Variants in ESR1 observed in about 807,000 individuals in gnomAD.
The protein encoded by ESR1 is estrogen receptor 1, also known as estrogen receptor.
Under a neutral mutation model 52.7 loss-of-function variants are expected in ESR1, and 12 were observed. That is an observed-to-expected ratio of 0.23 (90% confidence interval 0.15 to 0.37). ESR1 has a LOEUF of 0.37. Ranked by LOEUF, ESR1 falls within the 10% of genes least tolerant of loss-of-function variation. ESR1 has a pLI of 1.00. For synonymous variants in ESR1, 305 were observed against 316.8 expected (o/e 0.96, Z 0.39); for missense variants, 584 against 779.7 (o/e 0.75, Z 2.99).
chr6:151,960,978 G>A (rs2037587734), intron 4 of ESR1, among the ~76,000 whole-genome samples: 1 of 152,204 alleles, frequency 6.6e-6, no homozygotes. Flanking sequence ...CCTGAACAAT[G>A]ATAAAAGTTG....
At chr6:151,956,843 AATATATATATATATATATAAATATAT>A (rs1218426477) in intron 4 of ESR1, among the ~76,000 whole-genome samples, 2 of 44,466 alleles carry the variant, frequency 4.5e-5, no homozygotes, top group Non-Finnish European at 1.1e-4. Context: ...AATATAAATA[AATATATATATATATATATAAATATAT>A]ATATATATAT....
chr6:151,699,118 G>A (rs975046004), intron 1 of ESR1, among the ~76,000 whole-genome samples: 7 of 152,044 alleles, frequency 4.6e-5, no homozygotes, highest in African/African-American at 1.7e-4. Flanking sequence ...GGCTCTGCAG[G>A]GTCCTTTCTT....
chr6:151,922,658 C>T (rs1286622315), intron 3 of ESR1, among the ~76,000 whole-genome samples: 1 of 151,978 alleles, frequency 6.6e-6, no homozygotes, highest in African/African-American at 2.4e-5. Context: ...GACTTATCTT[C>T]TGTATTTTTT....
chr6:151,733,700 A>G (rs1782428995), intron 2 of ESR1, among the ~76,000 whole-genome samples: 1 of 152,198 alleles, frequency 6.6e-6, no homozygotes, highest in African/African-American at 2.4e-5. Flanking sequence ...TAACCACTCT[A>G]TACCATATGC....
chr6:151,808,069 A>G lies in ESR1; in HGVS notation c.157A>G (p.Asn53Asp), dbSNP rs763035310. ...GGACAGCAGCAAGCCCGCCGTGTAC[A>G]ACTACCCCGAGGGCGCCGCCTACGA... ...YLDSSKPAVY[N>D]YPEGAAYEFN... Residue 53 changes from asparagine (N) to aspartate (D), a missense_variant, in exon 1 of 8, where the codon AAC (asparagine) becomes GAC (aspartate). Physicochemically the swap from Asn to Asp is conservative, Grantham distance 23. Coordinates refer to ENST00000206249, the MANE Select transcript of ESR1 (RefSeq NM_000125.4). 23 of 1,613,232 alleles carry G rather than the reference A, an allele frequency of 1.4e-5. No individual in the cohort carries two copies. The South Asian group carries it at 2.3e-4, about 16-fold the overall frequency.
At chr6:151,756,630 G>A (rs910918679) in intron 2 of ESR1, among the ~76,000 whole-genome samples, 6 of 152,198 alleles carry the variant, frequency 3.9e-5, no homozygotes, top group African/African-American at 9.7e-5. Flanking sequence ...TAACCGTACT[G>A]GCCGGTAGGT....
rs1387482062 is a variant in ESR1 at position 152,070,242 on chromosome 6, C to T, written c.1369+9118C>T. Reference sequence around the variant, plus strand: ...CCTACCAAAATTTTGAAGTCAAGACCTCCCTACACTAATCAAAGAACTAGA... The same window carrying T: ...CCTACCAAAATTTTGAAGTCAAGACTTCCCTACACTAATCAAAGAACTAGA... On this transcript the variant is annotated intron_variant, in intron 6 of 7. Transcript: ENST00000206249. Among the ~76,000 whole-genome samples the T allele has an allele frequency of 1.5e-5, 2 of 136,604 alleles. 1 individual carries two copies. The highest frequency in any genetic ancestry group is 3.0e-5 in the Non-Finnish European group (2 of 66,564). 89.6% of individuals were successfully genotyped at this position (136,604 alleles called of 152,430 possible).
chr6:151,850,383 CAGAGAG>C (rs764460961), intron 2 of ESR1, among the ~76,000 whole-genome samples: 1 of 134,196 alleles, frequency 7.5e-6, no homozygotes, highest in Admixed American at 7.8e-5. Flanking sequence ...CATATGATAA[CAGAGAG>C]AGAGAGAGAG....
At chr6:151,694,916 G>A (rs1435215560) in intron 1 of ESR1, among the ~76,000 whole-genome samples, 1 of 152,166 alleles carries the variant, frequency 6.6e-6, no homozygotes, top group African/African-American at 2.4e-5. Context: ...TAGATATGAG[G>A]GGCAGATTGG....
chr6:152,003,340 AT>A (rs2042097561), intron 4 of ESR1, among the ~76,000 whole-genome samples: 3 of 145,536 alleles, frequency 2.1e-5, no homozygotes, highest in African/African-American at 7.6e-5. Context: ...AAGGGTAATT[AT>A]GTGTGTGTGT....
Position 152,100,883 on chromosome 6 carries a change from G to A in ESR1, c.*1917G>A, listed in dbSNP as rs2050942340. On this transcript the variant is annotated 3_prime_UTR_variant, in exon 8 of 8. Transcript: ENST00000206249. ...TCTTTTGTTGCTGTTTGTTTAAGAAGCACCTTAGTTTGTTTAAGAAGCACC... is the reference window on the plus strand; with the variant it reads ...TCTTTTGTTGCTGTTTGTTTAAGAAACACCTTAGTTTGTTTAAGAAGCACC... The A allele has an allele frequency of 4.3e-6, 1 of 230,322 alleles. No homozygotes were observed. Among genetic ancestry groups the A allele is most frequent in the Non-Finnish European group, 8.6e-6 (1 of 116,190 alleles). The allele number at this position is 230,322 out of a possible 1,614,324, so 14.3% of individuals were successfully genotyped here.
At chr6:151,781,614 G>A (rs1262416254) in intron 2 of ESR1, among the ~76,000 whole-genome samples, 2 of 152,150 alleles carry the variant, frequency 1.3e-5, no homozygotes, top group Admixed American at 1.3e-4. Context: ...CCACCGCTTC[G>A]CTGTTTCCAT....
At chr6:151,749,894 T>C (rs889670674) in intron 2 of ESR1, among the ~76,000 whole-genome samples, 3 of 152,174 alleles carry the variant, frequency 2.0e-5, no homozygotes, top group African/African-American at 7.2e-5. Context: ...TAAACAAGAT[T>C]ATTCTATAGA....
At position 151,732,534 on chromosome 6, in the gene ESR1, T is replaced by TTGTGTGTGTGTG. The variant is rs3036504; in HGVS notation, c.-71+30542_-71+30553dup. ...TTTATGTTTGTGTATGTGTGTGTGT[T>TTGTGTGTGTGTG]TGTGTGTGTGTGTGTGTGTGTGTGA... On this transcript the variant is annotated intron_variant, in intron 2 of 2. Coordinates refer to the ESR1 transcript ENST00000404742. 5.5e-3 allele frequency among the ~76,000 whole-genome samples: 818 copies of TTGTGTGTGTGTG among 148,860 alleles called. 12 individuals are homozygous for TTGTGTGTGTGTG. The highest frequency in any genetic ancestry group is 0.032 in the East Asian group (161 of 5,086).
chr6:152,069,113 A>G (rs2048190384), intron 6 of ESR1, among the ~76,000 whole-genome samples: 1 of 137,240 alleles, frequency 7.3e-6, no homozygotes, highest in Admixed American at 6.8e-5. Flanking sequence ...CAGGAGCTGT[A>G]GCAGAGAAAG....
intron 3 of ESR1, among the ~76,000 whole-genome samples, chr6:151,901,107 A>C (rs1037111304): frequency 4.6e-5 from 7 of 152,166 alleles, no homozygotes; most frequent in African/African-American, 1.7e-4. Flanking sequence ...TCCTCGGGTG[A>C]GTCTTGCTGA....
upstream of ESR1, among the ~76,000 whole-genome samples, chr6:151,689,430 T>A (rs1294656670): frequency 3.3e-5 from 5 of 152,236 alleles, no homozygotes; most frequent in African/African-American, 9.6e-5. Context: ...ACTTTACATA[T>A]TAACTAAAAT....
At chr6:151,969,033 G>T (rs926292255) in intron 4 of ESR1, among the ~76,000 whole-genome samples, 13 of 152,102 alleles carry the variant, frequency 8.5e-5, no homozygotes, top group Non-Finnish European at 1.6e-4. Flanking sequence ...TGGAGGGCAG[G>T]AGTATTGGGC....
intron 6 of ESR1, among the ~76,000 whole-genome samples, chr6:152,119,838 C>T (rs1197273341): frequency 2.0e-5 from 3 of 152,352 alleles, no homozygotes; most frequent in South Asian, 2.1e-4. Context: ...CTGCGTCTGG[C>T]GTGGCCCTTG....
Sources: gnomAD v4.1 joint callset for allele counts (sites outside exome capture counted in the v4.1 genomes callset) on GRCh38, gnomAD v4.1.1 for gene constraint, MANE v1.5 for transcripts, NCBI Gene and HGNC (gene_info 2026-07-23, HGNC 2026-07-21) for gene names.